Variants in PRAMEF12 observed in about 807,000 individuals in gnomAD.
The protein encoded by PRAMEF12 is PRAME family member 12.
In PRAMEF12, 24 loss-of-function variants were observed where a neutral mutation model predicts 24.6. That is an observed-to-expected ratio of 0.98 (90% CI 0.71 to 1.37). The LOEUF is 1.37. PRAMEF12 is among the 40% of genes most tolerant of loss of function. The pLI, the probability that PRAMEF12 is intolerant of heterozygous loss-of-function variation, is 0.00. For missense variants in PRAMEF12, 646 were observed against 580.3 expected (o/e 1.11, Z -1.16); for synonymous variants, 286 against 242.6 (o/e 1.18, Z -1.66).
At position 12,774,811 on chromosome 1, in the gene PRAMEF12, T is replaced by C. The variant is rs1639022661; in HGVS notation, c.-57T>C. On this transcript the variant is annotated 5_prime_UTR_variant, in exon 1 of 3. An upstream start codon of the reference 5' UTR is lost. Transcript: ENST00000357726. ...GAGCAATGACATTGGCACTAGGAGA[T>C]GATGAAGTGATGTGATTTGCCGTAA... is the stretch of plus-strand genomic sequence containing the variant. 1.3e-6 allele frequency: 2 copies of C among 1,496,950 alleles called. No homozygotes were observed. Among genetic ancestry groups the C allele is most frequent in the African/African-American group, 2.8e-5 (2 of 71,488 alleles). 92.7% of individuals were successfully genotyped at this position (1,496,950 alleles called of 1,614,324 possible).
intron 2 of PRAMEF12, among the ~76,000 whole-genome samples, chr1:12,776,733 G>C (rs1057286316): frequency 3.3e-5 from 5 of 152,116 alleles, no homozygotes; most frequent in African/African-American, 1.2e-4. Context: ...TTATGCCTGT[G>C]TCTCCATCGG....
In PRAMEF12 at chr1:12,774,799, G is replaced by C; in HGVS notation, c.-69G>C. 1 of 1,429,532 alleles carries C rather than the reference G, an allele frequency of 7.0e-7. No individual in the cohort carries two copies. Among genetic ancestry groups the C allele is most frequent in the Non-Finnish European group, 9.5e-7 (1 of 1,051,454 alleles). The allele number at this position is 1,429,532 out of a possible 1,614,324, so 88.6% of individuals were successfully genotyped here. On this transcript the variant is annotated 5_prime_UTR_variant, in exon 1 of 3. Coordinates refer to ENST00000357726, the MANE Select transcript of PRAMEF12 (RefSeq NM_001080830.5). ...CCACCTCTACCAGAGCAATGACATT[G>C]GCACTAGGAGATGATGAAGTGATGT...
Position 12,775,922 on chromosome 1 carries a change from G to T in PRAMEF12, c.667G>T (p.Ala223Ser), listed in dbSNP as rs368330234. 3.1e-6 allele frequency: 5 copies of T among 1,613,926 alleles called. No individual in the cohort carries two copies. The highest frequency in any genetic ancestry group is 4.2e-6 in the Non-Finnish European group (5 of 1,180,030). The part of the protein sequence containing the change: ...PWELSILIRF[A>S]PYLGQMRNLR... The stretch of plus-strand genomic sequence containing the variant: ...GGAGCTGTCCATTCTTATAAGGTTC[G>T]CCCCTTACCTGGGCCAGATGAGGAA... The change falls in exon 2 of 3, where the codon GCC (alanine) becomes TCC (serine). Residue 223 changes from alanine (A) to serine (S), a missense_variant. Ala to Ser is a moderately conservative substitution (Grantham distance 99, BLOSUM62 1). Transcript: ENST00000357726.
Position 12,777,708 on chromosome 1 carries a change from G to T in PRAMEF12, c.*109G>T. ...TGCTCAATGTGAACCGGAAAGGAAA[G>T]GGGATGCAGGAAGGGAGGGACTGGG... On this transcript the variant is annotated 3_prime_UTR_variant, in exon 3 of 3. Transcript: ENST00000357726. 7.6e-6 allele frequency: 10 copies of T among 1,311,666 alleles called. No homozygotes were observed. Among genetic ancestry groups the T allele is most frequent in the East Asian group, 2.4e-5 (1 of 41,128 alleles). The allele number at this position is 1,311,666 out of a possible 1,614,324, so 81.3% of individuals were successfully genotyped here.
At position 12,777,667 on chromosome 1, in the gene PRAMEF12, C is replaced by A; in HGVS notation, c.*68C>A. On this transcript the variant is annotated 3_prime_UTR_variant, in exon 3 of 3. Transcript: ENST00000357726. Reference sequence around the variant, plus strand: ...GTGTATGTCAAAGGGAGCACAGACCCATCGTTTCATATGCCTGCTCAATGT... The same window carrying A: ...GTGTATGTCAAAGGGAGCACAGACCAATCGTTTCATATGCCTGCTCAATGT... 6.5e-7 allele frequency: 1 copy of A among 1,548,374 alleles called. No individual in the cohort carries two copies. The highest frequency in any genetic ancestry group is 8.8e-7 in the Non-Finnish European group (1 of 1,130,806).
rs766228967 is a variant in PRAMEF12, at chr1:12,775,917, G to A, written c.662G>A (p.Arg221Lys). ...CCGTGGGAGCTGTCCATTCTTATAA[G>A]GTTCGCCCCTTACCTGGGCCAGATG... ...CCPWELSILI[R>K]FAPYLGQMRN... Residue 221 changes from arginine to lysine, a missense_variant, in exon 2 of 3, where the codon AGG becomes AAG. Arg to Lys is a conservative substitution (Grantham distance 26). Transcript: ENST00000357726. 5 of 1,614,068 alleles carry A rather than the reference G, an allele frequency of 3.1e-6. No individual in the cohort carries two copies. The South Asian group carries it at 3.3e-5, about 11-fold the overall frequency.
At position 12,777,745 on chromosome 1, in the gene PRAMEF12, G is replaced by A. The variant is rs1454349403; in HGVS notation, c.*146G>A. On this transcript the variant is annotated 3_prime_UTR_variant, in exon 3 of 3. Coordinates refer to ENST00000357726, the MANE Select transcript of PRAMEF12 (RefSeq NM_001080830.5). ...AGGGAGGGACTGGGGGAAAAGTTGA[G>A]TTGGAGTCAATAGGAGCTTTAGAGA... The A allele has an allele frequency of 2.2e-6, 2 of 914,964 alleles. No homozygotes were observed. The highest frequency in any genetic ancestry group is 3.3e-6 in the Non-Finnish European group (2 of 610,250). The allele number at this position is 914,964 out of a possible 1,614,324, so 56.7% of individuals were successfully genotyped here.
intron 2 of PRAMEF12, among the ~76,000 whole-genome samples, chr1:12,776,394 C>T (rs557354537): frequency 1.3e-5 from 2 of 152,094 alleles, no homozygotes; most frequent in East Asian, 1.9e-4. Context: ...AGGGTGCATT[C>T]GTGAATTCCT....
At chr1:12,775,266 G>A (rs1206771222) in intron 1 of PRAMEF12, 112 bp downstream of exon 1, 2 of 1,258,440 alleles carry the variant, frequency 1.6e-6, no homozygotes, top group Non-Finnish European at 2.2e-6. Context: ...TGATGGGGCT[G>A]GGGAGGAAGC....
In PRAMEF12 at chr1:12,777,656, G is replaced by A; in HGVS notation, c.*57G>A. The A allele has an allele frequency of 6.3e-7, 1 of 1,585,392 alleles. No individual in the cohort carries two copies. Among genetic ancestry groups the A allele is most frequent in the South Asian group, 1.1e-5 (1 of 88,932 alleles). On this transcript the variant is annotated 3_prime_UTR_variant, in exon 3 of 3. Coordinates refer to ENST00000357726, the MANE Select transcript of PRAMEF12 (RefSeq NM_001080830.5). The stretch of plus-strand genomic sequence containing the variant: ...CTAGGCCATGAGTGTATGTCAAAGG[G>A]AGCACAGACCCATCGTTTCATATGC...
In PRAMEF12 at chr1:12,776,118, G is replaced by T; in HGVS notation, c.863G>T (p.Arg288Met). 2 of 1,613,578 alleles carry T rather than the reference G, an allele frequency of 1.2e-6. No homozygotes were observed. Among genetic ancestry groups the T allele is most frequent in the Non-Finnish European group, 1.7e-6 (2 of 1,179,478 alleles). The part of the protein sequence containing the change: ...FLEGHLDQLL[R>M]CLQAPLETVV... ...GAAGGCCACCTGGACCAGCTGCTCA[G>T]GTGAGGAAGTATGGTGAGCTTTCTC... The change falls in exon 2 of 3, where the codon AGG becomes ATG. Residue 288 changes from arginine (R) to methionine (M), a missense_variant and splice_region_variant. Physicochemically the swap from Arg to Met is moderately conservative, Grantham distance 91. Transcript: ENST00000357726.
In PRAMEF12 at chr1:12,774,367, G is replaced by A. The variant is rs1276528890; in HGVS notation, c.-501G>A. ...TTATCCCTAACTTTCACAGGCTCTA[G>A]AACACTGTCATGCTGTTTTTACAAT... On this transcript the variant is annotated 5_prime_UTR_variant, in exon 1 of 3. Coordinates refer to ENST00000357726, the MANE Select transcript of PRAMEF12 (RefSeq NM_001080830.5). 6.6e-6 allele frequency among the ~76,000 whole-genome samples: 1 copy of A among 152,128 alleles called. No homozygotes were observed. Among genetic ancestry groups the A allele is most frequent in the Non-Finnish European group, 1.5e-5 (1 of 68,022 alleles).
rs75099356 is a variant in PRAMEF12 at position 12,775,014 on chromosome 1, C to T, written c.147C>T (p.Cys49=). 1.9e-3 allele frequency: 3,042 copies of T among 1,614,104 alleles called. 47 individuals carry two copies. In the African/African-American group the frequency reaches 0.036, roughly 19 times the overall value. Reference sequence around the variant, plus strand: ...TGGAGGCCTTTACCAGGAGATGCTGCGAGACCCTGACAACTATGGTGCAGG... The same window carrying T: ...TGGAGGCCTTTACCAGGAGATGCTGTGAGACCCTGACAACTATGGTGCAGG... ...LFMEAFTRRC[C]ETLTTMVQAW... The change falls in exon 1 of 3, where the codon TGC becomes TGT. Residue 49 remains cysteine, a synonymous_variant. Coordinates refer to ENST00000357726, the MANE Select transcript of PRAMEF12 (RefSeq NM_001080830.5).
chr1:12,775,420 G>A, intron 1 of PRAMEF12, 123 bp from the exon 2 acceptor site: 1 of 1,080,460 alleles, frequency 9.3e-7, no homozygotes, highest in Non-Finnish European at 1.4e-6. Context: ...CAAGGAGAAA[G>A]AGGGATGGAG....
Position 12,777,313 on chromosome 1 carries a change from C to G in PRAMEF12, c.1166C>G (p.Ser389Cys), listed in dbSNP as rs1639069045. ...STFSFCGNLI[S>C]MAALENLLRH... ...TTCAGCTTCTGTGGGAACCTCATCT[C>G]CATGGCCGCCCTGGAGAACCTGCTG... The change falls in exon 3 of 3, where the codon TCC (serine) becomes TGC (cysteine). Residue 389 changes from serine to cysteine, a missense_variant. Transcript: ENST00000357726. 1.2e-6 allele frequency: 2 copies of G among 1,612,998 alleles called. No homozygotes were observed. Among genetic ancestry groups the G allele is most frequent in the South Asian group, 2.2e-5 (2 of 91,034 alleles).
rs1487758274 is a variant in PRAMEF12 at position 12,775,050 on chromosome 1, C to T, written c.183C>T (p.Phe61=). 6.2e-7 allele frequency: 1 copy of T among 1,614,178 alleles called. No individual in the cohort carries two copies. Among genetic ancestry groups the T allele is most frequent in the Non-Finnish European group, 8.5e-7 (1 of 1,180,016 alleles). The change falls in exon 1 of 3, where the codon TTC becomes TTT. Residue 61 remains phenylalanine (F), a synonymous_variant. Coordinates refer to ENST00000357726, the MANE Select transcript of PRAMEF12 (RefSeq NM_001080830.5). ...TLTTMVQAWP[F]TCLPLGSLMK... ...CAACTATGGTGCAGGCCTGGCCCTT[C>T]ACCTGCCTTCCTCTAGGGTCCCTGA...
intron 2 of PRAMEF12, among the ~76,000 whole-genome samples, chr1:12,776,634 G>A (rs2100274979): frequency 6.6e-6 from 1 of 152,302 alleles, no homozygotes; most frequent in Admixed American, 6.5e-5. Context: ...GAAAGTGATA[G>A]ATGGTTTGCT....
Position 12,777,158 on chromosome 1 carries a change from G to T in PRAMEF12, c.1011G>T (p.Glu337Asp). The change falls in exon 3 of 3, where the codon GAG becomes GAT. Residue 337 changes from glutamate (E) to aspartate (D), a missense_variant. Physicochemically the swap from Glu to Asp is conservative, Grantham distance 45 (BLOSUM62 2). Transcript: ENST00000357726. ...TCACACTGACCCATTTCAGTCCTGA[G>T]CCCCTCTCAGTTCTGCTGGAGCAAG... is the stretch of plus-strand genomic sequence containing the variant. The part of the protein sequence containing the change: ...RGITLTHFSP[E>D]PLSVLLEQAE... 1.2e-6 allele frequency: 2 copies of T among 1,613,856 alleles called. No homozygotes were observed. The highest frequency in any genetic ancestry group is 1.7e-6 in the Non-Finnish European group (2 of 1,180,030).
At position 12,777,559 on chromosome 1, in the gene PRAMEF12, ACTGT is replaced by A. The variant is rs764059868; in HGVS notation, c.1417_1420del (p.Leu473Ter). 8 of 1,614,000 alleles carry A rather than the reference ACTGT, an allele frequency of 5.0e-6. No homozygotes were observed. The highest frequency in any genetic ancestry group is 5.9e-6 in the Non-Finnish European group (7 of 1,179,972). On this transcript the variant is annotated frameshift_variant, in exon 3 of 3. Transcript: ENST00000357726. LOFTEE classifies it low-confidence loss of function (END_TRUNC). ...GCCTCCTATGACCTGGAGCCCAGTCACTGTCTGTTGAATGCCTGCTGTCAGGGTG... is the reference window on the plus strand; with the variant it reads ...GCCTCCTATGACCTGGAGCCCAGTCACTGTTGAATGCCTGCTGTCAGGGTG...
Sources: allele counts gnomAD v4.1 joint callset (sites outside exome capture counted in the v4.1 genomes callset), GRCh38; gene constraint gnomAD v4.1.1; transcripts MANE v1.5; gene names NCBI Gene and HGNC (gene_info 2026-07-23, HGNC 2026-07-21).